RGSL1: variants seen among roughly 807,000 people sequenced by gnomAD.
RGSL1 encodes regulator of G protein signaling like 1.
In RGSL1, 97 loss-of-function variants were observed where a neutral mutation model predicts 124.7. That is an observed-to-expected ratio of 0.78 (90% CI 0.66 to 0.92). RGSL1 has a LOEUF of 0.92. RGSL1 is among the 40% of genes least tolerant of loss of function. The pLI, the probability that RGSL1 is intolerant of heterozygous loss-of-function variation, is 0.00. For synonymous variants in RGSL1, 424 were observed against 438.1 expected (o/e 0.97, Z 0.40); for missense variants, 1,233 against 1,288.4 (o/e 0.96, Z 0.66).
intron 8 of RGSL1, among the ~76,000 whole-genome samples, chr1:182,492,265 G>T (rs898917554): frequency 6.6e-6 from 1 of 152,120 alleles, no homozygotes; most frequent in Non-Finnish European, 1.5e-5. Flanking sequence ...CGGGAGTATC[G>T]CTAGAATCTA....
At chr1:182,484,034 C>T (rs906424669) in intron 6 of RGSL1, among the ~76,000 whole-genome samples, 5 of 151,948 alleles carry the variant, frequency 3.3e-5, no homozygotes, top group Admixed American at 6.6e-5. Flanking sequence ...GACCCTGGGA[C>T]GGTGGGGCTC....
chr1:182,544,149 C>T (rs981357589), intron 15 of RGSL1, among the ~76,000 whole-genome samples: 2 of 151,880 alleles, frequency 1.3e-5, no homozygotes, highest in Admixed American at 6.6e-5. Flanking sequence ...CTAAACTTTC[C>T]TCTTAGTACT....
chr1:182,462,838 T>C (rs1424930442), intron 4 of RGSL1, among the ~76,000 whole-genome samples: 1 of 152,090 alleles, frequency 6.6e-6, no homozygotes, highest in Non-Finnish European at 1.5e-5. Flanking sequence ...GCAAGGAAAA[T>C]AGCTACAGAA....
At position 182,473,561 on chromosome 1, in the gene RGSL1, T is replaced by C; in HGVS notation, c.464-14T>C. On this transcript the variant is annotated splice_polypyrimidine_tract_variant and intron_variant, in intron 5 of 21. Transcript: ENST00000294854. ...CCATCATTTTCACCCATGATTTCTC[T>C]GTATTATTTCCAGAGTCCCTCCTGA... The C allele has an allele frequency of 1.3e-6, 2 of 1,505,722 alleles. No individual in the cohort carries two copies. Among genetic ancestry groups the C allele is most frequent in the South Asian group, 2.6e-5 (2 of 76,148 alleles). The allele number at this position is 1,505,722 out of a possible 1,614,324, so 93.3% of individuals were successfully genotyped here.
At chr1:182,549,057 AC>A in intron 17 of RGSL1, 1 of 432,154 alleles carries the variant, frequency 2.3e-6, no homozygotes, top group Non-Finnish European at 4.1e-6. Context: ...CTGGTTTCCC[AC>A]CCCTCCTCTT....
At chr1:182,538,533 A>C (rs550051556) in intron 14 of RGSL1, among the ~76,000 whole-genome samples, 2 of 152,266 alleles carry the variant, frequency 1.3e-5, no homozygotes, top group South Asian at 4.1e-4. Context: ...CTCTCAAAAA[A>C]AAAAAAAATT....
At chr1:182,455,903 A>G (rs1652279084) in intron 2 of RGSL1, among the ~76,000 whole-genome samples, 1 of 152,324 alleles carries the variant, frequency 6.6e-6, no homozygotes, top group African/African-American at 2.4e-5. Flanking sequence ...ACATGTTCAG[A>G]CTTTCATCCG....
At chr1:182,509,356 G>A (rs1317933636) in intron 9 of RGSL1, among the ~76,000 whole-genome samples, 1 of 33,276 alleles carries the variant, frequency 3.0e-5, no homozygotes, top group Non-Finnish European at 8.6e-5. Flanking sequence ...GGCTGGCCGG[G>A]CAGAGGGGCT....
intron 9 of RGSL1, among the ~76,000 whole-genome samples, chr1:182,498,549 G>C (rs1402861583): frequency 3.9e-5 from 6 of 152,138 alleles, no homozygotes; most frequent in African/African-American, 1.4e-4. Context: ...GGGTTTCAAA[G>C]AATTTCTTGA....
At chr1:182,504,642 T>G (rs1656678692) in intron 9 of RGSL1, among the ~76,000 whole-genome samples, 1 of 152,140 alleles carries the variant, frequency 6.6e-6, no homozygotes, top group Non-Finnish European at 1.5e-5. Context: ...TTTGTTTATT[T>G]AGTGACTTTT....
At chr1:182,533,308 T>G (rs565890900) in intron 14 of RGSL1, among the ~76,000 whole-genome samples, 1 of 152,044 alleles carries the variant, frequency 6.6e-6, no homozygotes, top group South Asian at 2.1e-4. Context: ...TTTTTTTTTT[T>G]TTTTTGTTCA....
intron 6 of RGSL1, among the ~76,000 whole-genome samples, chr1:182,481,878 G>C (rs1285446717): frequency 6.6e-6 from 1 of 152,134 alleles, no homozygotes; most frequent in Non-Finnish European, 1.5e-5. Context: ...TACTTGGGAT[G>C]CTGAGAAGGG....
chr1:182,509,730 C>T (rs1389361393), intron 9 of RGSL1, among the ~76,000 whole-genome samples: 1 of 140,790 alleles, frequency 7.1e-6, no homozygotes, highest in African/African-American at 2.6e-5. Flanking sequence ...ACCCCCCCAC[C>T]TCCCTCCCGG....
intron 11 of RGSL1, 70 bp from the exon 12 acceptor site, chr1:182,530,173 CA>C: frequency 3.6e-6 from 4 of 1,104,048 alleles, no homozygotes; most frequent in Non-Finnish European, 2.5e-6. Context: ...AAAAAAAAAA[CA>C]AAAAACCACC....
At chr1:182,449,138 G>C (rs1444090154), upstream of RGSL1, 1 of 152,074 alleles carries the variant, frequency 6.6e-6, no homozygotes, top group Non-Finnish European at 1.5e-5. Flanking sequence ...AGGTGAATAA[G>C]GTAATTGATA....
rs893157474 is a variant in RGSL1 at position 182,453,866 on chromosome 1, A to G, written c.14-92A>G. The G allele has an allele frequency of 7.1e-6, 5 of 704,476 alleles. No individual in the cohort carries two copies. In the East Asian group the frequency reaches 8.1e-5, roughly 11 times the overall value. The allele number at this position is 704,476 out of a possible 1,614,324, so 43.6% of individuals were successfully genotyped here. ...GCTGTCATCATGCTGAGATTTGGCA[A>G]CGTGAAATGATCCATTCGATTGCTT... On this transcript the variant is annotated intron_variant, in intron 1 of 21. Coordinates refer to ENST00000294854, the MANE Select transcript of RGSL1 (RefSeq NM_001137669.2).
intron 11 of RGSL1, among the ~76,000 whole-genome samples, chr1:182,529,767 A>T (rs1659025757): frequency 1.3e-5 from 2 of 152,192 alleles, no homozygotes; most frequent in Admixed American, 1.3e-4. Context: ...GAGCTAGAAG[A>T]GGAAGAGTGT....
At chr1:182,508,532 C>T (rs1227092258) in intron 9 of RGSL1, among the ~76,000 whole-genome samples, 7 of 151,762 alleles carry the variant, frequency 4.6e-5, no homozygotes, top group Non-Finnish European at 1.0e-4. Flanking sequence ...CTCCTGACCT[C>T]AGGTGATCCA....
chr1:182,498,280 ATG>A (rs1367249677), intron 9 of RGSL1, among the ~76,000 whole-genome samples: 2 of 98,064 alleles, frequency 2.0e-5, no homozygotes, highest in Admixed American at 2.1e-4. Flanking sequence ...TCGTTTTGGA[ATG>A]TCTCTTGAGC....
Sources: allele counts gnomAD v4.1 joint callset (sites outside exome capture counted in the v4.1 genomes callset), GRCh38; gene constraint gnomAD v4.1.1; transcripts MANE v1.5; gene names NCBI Gene and HGNC (gene_info 2026-07-23, HGNC 2026-07-21).